ANO2: variants seen among roughly 807,000 people sequenced by gnomAD.
ANO2 encodes anoctamin-2.
In ANO2, 101 loss-of-function variants were observed where a neutral mutation model predicts 124.2. That is an observed-to-expected ratio of 0.81 (90% CI 0.69 to 0.96). The LOEUF (loss-of-function observed/expected upper bound fraction) is 0.96. Among genes scored for constraint, ANO2 ranks in the 40% least tolerant of loss-of-function variants. The pLI is 0.00. For synonymous variants in ANO2, 486 were observed against 482.5 expected, an observed-to-expected ratio of 1.01 and a Z score of -0.09; for missense variants, 1,293 against 1,274.5, an observed-to-expected ratio of 1.01 and a Z score of -0.22.
chr12:5,616,144 G>A (rs1218687344), intron 16 of ANO2, among the ~76,000 whole-genome samples: 1 of 152,182 alleles, frequency 6.6e-6, no homozygotes, highest in Non-Finnish European at 1.5e-5. Context: ...AGGACAAGAG[G>A]TGACAGGGTG....
At chr12:5,805,354 A>C (rs1294616142) in intron 9 of ANO2, among the ~76,000 whole-genome samples, 1 of 152,066 alleles carries the variant, frequency 6.6e-6, no homozygotes, top group Non-Finnish European at 1.5e-5. Flanking sequence ...AGAGTTGTTG[A>C]AGGTGGGGAG....
At chr12:5,700,774 A>C (rs1312015613) in intron 14 of ANO2, among the ~76,000 whole-genome samples, 1 of 152,194 alleles carries the variant, frequency 6.6e-6, no homozygotes, top group Admixed American at 6.5e-5. Flanking sequence ...TGCTGGCCTC[A>C]AGTGATCCAC....
rs10650160 is a variant in ANO2 at position 5,854,935 on chromosome 12, CT to C, written c.535-795del. 1.4e-3 allele frequency among the ~76,000 whole-genome samples: 204 copies of C among 146,258 alleles called. 1 individual carries two copies. The highest frequency in any genetic ancestry group is 2.0e-3 in the African/African-American group (78 of 39,794). ...CACCTCATCTTCAAATAAACATTCA[CT>C]TTTTTTTTTTTTTCAAAACAAGCAC... On this transcript the variant is annotated intron_variant, in intron 3 of 24. Coordinates refer to ENST00000682330, the MANE Select transcript of ANO2 (RefSeq NM_001364791.2).
intron 14 of ANO2, among the ~76,000 whole-genome samples, chr12:5,732,253 A>G (rs1950671616): frequency 6.6e-6 from 1 of 152,164 alleles, no homozygotes; most frequent in African/African-American, 2.4e-5. Context: ...GGTAGGAATC[A>G]GGCCTGAAAC....
At chr12:5,607,201 G>T (rs193108019) in intron 19 of ANO2, among the ~76,000 whole-genome samples, 1 of 152,120 alleles carries the variant, frequency 6.6e-6, no homozygotes, top group Admixed American at 6.6e-5. Flanking sequence ...AAGAGAAAAC[G>T]ACTGTCCCTG....
intron 14 of ANO2, among the ~76,000 whole-genome samples, chr12:5,683,912 G>A (rs1185367659): frequency 1.3e-5 from 2 of 151,992 alleles, no homozygotes; most frequent in African/African-American, 4.8e-5. Flanking sequence ...AAGCTGTCTT[G>A]TCTCCCCTCC....
intron 7 of ANO2, among the ~76,000 whole-genome samples, chr12:5,813,917 A>C (rs1354399826): frequency 6.6e-6 from 1 of 152,162 alleles, no homozygotes. Flanking sequence ...ACATGGCTTG[A>C]CCGAAGTTTT....
chr12:5,717,217 G>T (rs534285332), intron 14 of ANO2, among the ~76,000 whole-genome samples: 1 of 152,296 alleles, frequency 6.6e-6, no homozygotes, highest in African/African-American at 2.4e-5. Flanking sequence ...GCAAGCCCTT[G>T]GATTGCTCTT....
At chr12:5,627,362 A>T (rs1945469661) in intron 16 of ANO2, among the ~76,000 whole-genome samples, 1 of 152,164 alleles carries the variant, frequency 6.6e-6, no homozygotes, top group South Asian at 2.1e-4. Flanking sequence ...CAGGAAGAGA[A>T]TACAAGCCAG....
chr12:5,917,237 G>A (rs1941433799), intron 3 of ANO2, among the ~76,000 whole-genome samples: 1 of 152,166 alleles, frequency 6.6e-6, no homozygotes, highest in Non-Finnish European at 1.5e-5. Context: ...GGAGACGGGG[G>A]CAGCCAAGAT....
chr12:5,774,734 G>T (rs532572793), intron 10 of ANO2, among the ~76,000 whole-genome samples: 1 of 152,116 alleles, frequency 6.6e-6, no homozygotes, highest in African/African-American at 2.4e-5. Flanking sequence ...ACAGAGACAG[G>T]CTGTGCCCAT....
chr12:5,933,853 C>T (rs1239824133), intron 1 of ANO2, among the ~76,000 whole-genome samples: 1 of 152,180 alleles, frequency 6.6e-6, no homozygotes, highest in East Asian at 1.9e-4. Flanking sequence ...AGTCCTACTC[C>T]TATACCACGC....
intron 14 of ANO2, among the ~76,000 whole-genome samples, chr12:5,678,265 T>G (rs1834140658): frequency 6.6e-6 from 1 of 152,296 alleles, no homozygotes; most frequent in South Asian, 2.1e-4. Context: ...ATACGCTTGA[T>G]GGCTATATCT....
intron 3 of ANO2, among the ~76,000 whole-genome samples, chr12:5,861,986 A>T (rs1955284678): frequency 6.6e-6 from 1 of 152,170 alleles, no homozygotes; most frequent in Non-Finnish European, 1.5e-5. Flanking sequence ...CCATTTGAGG[A>T]ACACCATAGT....
intron 15 of ANO2, among the ~76,000 whole-genome samples, chr12:5,642,429 GTCA>G (rs145485717): frequency 0.023 from 3,427 of 152,222 alleles, 130 homozygotes; most frequent in African/African-American, 0.079. Flanking sequence ...AAGCCTTAGA[GTCA>G]TTCTTGATTT....
chr12:5,823,618 T>C (rs994412263), intron 7 of ANO2, among the ~76,000 whole-genome samples: 1 of 152,190 alleles, frequency 6.6e-6, no homozygotes, highest in African/African-American at 2.4e-5. Context: ...TGGCACTGAG[T>C]GTCTGCAGCT....
chr12:5,834,621 A>G (rs1236144099), intron 4 of ANO2, among the ~76,000 whole-genome samples: 1 of 152,256 alleles, frequency 6.6e-6, no homozygotes. Context: ...CAGTCTAACA[A>G]CTGAAACATA....
intron 4 of ANO2, among the ~76,000 whole-genome samples, chr12:5,845,981 T>C (rs1954674354): frequency 6.6e-6 from 1 of 152,270 alleles, no homozygotes; most frequent in African/African-American, 2.4e-5. Flanking sequence ...TATAAGACTT[T>C]TGATCTCAAG....
intron 15 of ANO2, among the ~76,000 whole-genome samples, chr12:5,644,749 G>A (rs568052263): frequency 1.7e-4 from 26 of 152,216 alleles, no homozygotes; most frequent in African/African-American, 5.8e-4. Flanking sequence ...TGAGAGATTC[G>A]GTTGATAGCA....
Sources: gnomAD v4.1 joint callset for allele counts (sites outside exome capture counted in the v4.1 genomes callset) on GRCh38, gnomAD v4.1.1 for gene constraint, MANE v1.5 for transcripts, NCBI Gene and HGNC (gene_info 2026-07-23, HGNC 2026-07-21) for gene names.